Variants in GALNT17 observed in about 807,000 individuals in gnomAD.
GALNT17 encodes the protein polypeptide N-acetylgalactosaminyltransferase 17.
A neutral mutation model predicts 63.7 loss-of-function variants in GALNT17; 29 were observed. The observed-to-expected ratio is 0.46, with a 90% CI of 0.34 to 0.62. The LOEUF is 0.62. Ranked by LOEUF, GALNT17 falls within the 20% of genes least tolerant of loss-of-function variation. GALNT17 has a pLI of 0.01. For synonymous variants in GALNT17, 305 were observed against 318.3 expected (o/e 0.96, Z 0.45); for missense variants, 603 against 799.6 (o/e 0.75, Z 2.97).
intron 5 of GALNT17, among the ~76,000 whole-genome samples, chr7:71,452,771 C>G (rs1199921507): frequency 6.6e-6 from 1 of 152,170 alleles, no homozygotes; most frequent in African/African-American, 2.4e-5. Flanking sequence ...AAAAAGGGGC[C>G]TCTCTGGTGG....
At chr7:71,383,306 T>C (rs1792879630) in intron 2 of GALNT17, among the ~76,000 whole-genome samples, 1 of 152,220 alleles carries the variant, frequency 6.6e-6, no homozygotes, top group Non-Finnish European at 1.5e-5. Flanking sequence ...ATCCCTCACA[T>C]AAAATGACAT....
intron 1 of GALNT17, among the ~76,000 whole-genome samples, chr7:71,153,830 C>T (rs911634764): frequency 6.6e-5 from 10 of 151,764 alleles, no homozygotes; most frequent in African/African-American, 2.4e-4. Flanking sequence ...GGCAGGAGAA[C>T]CCAGGAGGCG....
intron 5 of GALNT17, among the ~76,000 whole-genome samples, chr7:71,476,956 CAGTGGAGGG>C (rs1224326540): frequency 1.3e-5 from 2 of 152,148 alleles, no homozygotes; most frequent in African/African-American, 4.8e-5. Flanking sequence ...ACCAGAGAGG[CAGTGGAGGG>C]TGTGGAGGGT....
At chr7:71,624,682 A>G (rs1790345714) in intron 6 of GALNT17, among the ~76,000 whole-genome samples, 1 of 152,246 alleles carries the variant, frequency 6.6e-6, no homozygotes, top group Non-Finnish European at 1.5e-5. Flanking sequence ...GGAAATTAAA[A>G]TGGAAAACTT....
chr7:71,345,281 A>G (rs1792072097), intron 2 of GALNT17, among the ~76,000 whole-genome samples: 1 of 151,868 alleles, frequency 6.6e-6, no homozygotes, highest in Admixed American at 6.6e-5. Flanking sequence ...TATTAAAGCC[A>G]CTGCTGAGAT....
chr7:71,631,186 T>C (rs1256860244), intron 6 of GALNT17, among the ~76,000 whole-genome samples: 1 of 151,902 alleles, frequency 6.6e-6, no homozygotes, highest in East Asian at 1.9e-4. Flanking sequence ...AAATCTTTTA[T>C]TTTTATTTTT....
chr7:71,251,877 A>G (rs1006844271), intron 1 of GALNT17, among the ~76,000 whole-genome samples: 1 of 152,148 alleles, frequency 6.6e-6, no homozygotes, highest in Non-Finnish European at 1.5e-5. Flanking sequence ...TGCTGTGTGC[A>G]CAAATCTTTA....
At chr7:71,586,734 T>A (rs956341267) in intron 6 of GALNT17, among the ~76,000 whole-genome samples, 1 of 152,126 alleles carries the variant, frequency 6.6e-6, no homozygotes, top group African/African-American at 2.4e-5. Flanking sequence ...TTATTTATTT[T>A]TATTGACACA....
At chr7:71,443,084 A>G (rs934146084) in intron 5 of GALNT17, among the ~76,000 whole-genome samples, 1 of 152,114 alleles carries the variant, frequency 6.6e-6, no homozygotes, top group African/African-American at 2.4e-5. Context: ...GCTATAAGCA[A>G]CTCTGAAGTT....
chr7:71,644,952 A>G (rs1199498741), intron 6 of GALNT17, among the ~76,000 whole-genome samples: 2 of 152,120 alleles, frequency 1.3e-5, no homozygotes, highest in Admixed American at 6.5e-5. Flanking sequence ...AGCTTCTTTA[A>G]CACTGTGGCT....
At chr7:71,450,043 CAAA>C (rs35144500) in intron 5 of GALNT17, among the ~76,000 whole-genome samples, 10 of 140,088 alleles carry the variant, frequency 7.1e-5, no homozygotes, top group Non-Finnish European at 6.2e-5. Context: ...AACTCCCTCT[CAAA>C]AAAAAAAAAA....
At chr7:71,496,836 G>A (rs577079870) in intron 5 of GALNT17, among the ~76,000 whole-genome samples, 4 of 152,068 alleles carry the variant, frequency 2.6e-5, no homozygotes, top group African/African-American at 7.2e-5. Context: ...CACTTTGGGC[G>A]GCCAAGGCAG....
intron 1 of GALNT17, among the ~76,000 whole-genome samples, chr7:71,237,953 A>G: frequency 6.6e-6 from 1 of 152,218 alleles, no homozygotes; most frequent in Non-Finnish European, 1.5e-5. Context: ...AAATCACTTG[A>G]GAAATAAACA....
intron 5 of GALNT17, among the ~76,000 whole-genome samples, chr7:71,486,093 T>C (rs1787903984): frequency 6.6e-6 from 1 of 152,044 alleles, no homozygotes; most frequent in South Asian, 2.1e-4. Context: ...TTTGGGAGAC[T>C]GGGGCAGGGC....
At chr7:71,472,717 A>C (rs1410641458) in intron 5 of GALNT17, among the ~76,000 whole-genome samples, 1 of 152,084 alleles carries the variant, frequency 6.6e-6, no homozygotes, top group Non-Finnish European at 1.5e-5. Flanking sequence ...AAACTAAAAT[A>C]AATAAAAATT....
At chr7:71,350,067 G>A (rs1477376340) in intron 2 of GALNT17, among the ~76,000 whole-genome samples, 1 of 152,162 alleles carries the variant, frequency 6.6e-6, no homozygotes, top group East Asian at 1.9e-4. Context: ...ACAGAGTCTG[G>A]TCAGGGGAAT....
chr7:71,548,534 G>T (rs545828675), intron 5 of GALNT17, among the ~76,000 whole-genome samples: 1 of 152,266 alleles, frequency 6.6e-6, no homozygotes, highest in Admixed American at 6.5e-5. Flanking sequence ...CTGTTCTCTT[G>T]ATAGTGAATA....
chr7:71,243,759 G>A (rs60603252), intron 1 of GALNT17, among the ~76,000 whole-genome samples: 9,499 of 152,094 alleles, frequency 0.062, 379 homozygotes, highest in African/African-American at 0.11. Context: ...TCATAAAACA[G>A]CACATTTGGG....
chr7:71,168,048 C>T (rs564234628), intron 1 of GALNT17, among the ~76,000 whole-genome samples: 1 of 152,122 alleles, frequency 6.6e-6, no homozygotes, highest in Non-Finnish European at 1.5e-5. Context: ...AGCTATGGCT[C>T]GAAATGTATT....
Sources: allele counts gnomAD v4.1 joint callset (sites outside exome capture counted in the v4.1 genomes callset), GRCh38; gene constraint gnomAD v4.1.1; transcripts MANE v1.5; gene names NCBI Gene and HGNC (gene_info 2026-07-23, HGNC 2026-07-21).